The following CTNNA3 variants were observed in gnomAD, a reference collection of about 807,000 sequenced individuals.
CTNNA3 encodes catenin alpha 3, also known as catenin alpha-3.
In CTNNA3, 76 loss-of-function variants were observed where a neutral mutation model predicts 95.7. That is an observed-to-expected ratio of 0.79 (90% confidence interval 0.66 to 0.96). The LOEUF is 0.96. CTNNA3 is among the 40% of genes least tolerant of loss of function. The pLI, the probability that CTNNA3 is intolerant of heterozygous loss-of-function variation, is 0.00. For synonymous variants in CTNNA3, 431 were observed against 374.4 expected, an observed-to-expected ratio of 1.15 and a Z score of -1.74; for missense variants, 1,191 against 1,089.8, an observed-to-expected ratio of 1.09 and a Z score of -1.31.
In CTNNA3 at chr10:65,988,809, T is replaced by A. The variant is rs1194375577; in HGVS notation, c.2160-12A>T. 1.9e-6 allele frequency: 3 copies of A among 1,587,958 alleles called. No homozygotes were observed. Among genetic ancestry groups the A allele is most frequent in the East Asian group, 4.5e-5 (2 of 44,642 alleles). On this transcript the variant is annotated splice_polypyrimidine_tract_variant and intron_variant, in intron 15 of 17. Coordinates refer to ENST00000433211, the MANE Select transcript of CTNNA3 (RefSeq NM_013266.4). ...GTGGTCCTTTGCCCCTGGAAAAAAA[T>A]TTATATATGTTAGCTGTGGTGTTCA...
At chr10:67,504,459 A>C (rs1386345176) in intron 5 of CTNNA3, among the ~76,000 whole-genome samples, 1 of 150,654 alleles carries the variant, frequency 6.6e-6, no homozygotes, top group Non-Finnish European at 1.5e-5. Context: ...AAAAAAAAAA[A>C]ACAGAGTAAC....
chr10:67,175,282 A>T (rs1421862154), intron 7 of CTNNA3, among the ~76,000 whole-genome samples: 1 of 152,160 alleles, frequency 6.6e-6, no homozygotes, highest in African/African-American at 2.4e-5. Flanking sequence ...CCATATCATC[A>T]TAGGAAATAA....
intron 15 of CTNNA3, among the ~76,000 whole-genome samples, chr10:66,001,836 A>G (rs185592522): frequency 6.6e-6 from 1 of 152,278 alleles, no homozygotes; most frequent in Admixed American, 6.5e-5. Context: ...TGAATGGATT[A>G]TATTGAGTTC....
At chr10:66,899,044 T>C (rs1465754187) in intron 7 of CTNNA3, among the ~76,000 whole-genome samples, 1 of 152,152 alleles carries the variant, frequency 6.6e-6, no homozygotes, top group African/African-American at 2.4e-5. Context: ...CAATTAAAAA[T>C]GGGCAAAGGA....
rs139679207 is a variant in CTNNA3, at chr10:66,436,240, C to T, written c.1532-56888G>A. The stretch of plus-strand genomic sequence containing the variant: ...CATCCTGAATATCCTTGTTAATTTT[C>T]TGTCTCGTTTATCTGTCTAATATGA... On this transcript the variant is annotated intron_variant, in intron 11 of 17. Coordinates refer to ENST00000433211, the MANE Select transcript of CTNNA3 (RefSeq NM_013266.4). Among the ~76,000 whole-genome samples, 55 of 152,190 alleles carry T rather than the reference C, an allele frequency of 3.6e-4. 1 individual carries two copies. The highest frequency in any genetic ancestry group is 1.3e-3 in the African/African-American group (52 of 41,532).
intron 5 of CTNNA3, among the ~76,000 whole-genome samples, chr10:67,512,271 G>C (rs1210908215): frequency 3.3e-5 from 5 of 152,082 alleles, no homozygotes; most frequent in Non-Finnish European, 7.4e-5. Context: ...TAGAGAAATG[G>C]GAACCTTGGT....
chr10:66,582,440 T>C (rs1394702003), intron 10 of CTNNA3, among the ~76,000 whole-genome samples: 1 of 151,916 alleles, frequency 6.6e-6, no homozygotes, highest in South Asian at 2.1e-4. Context: ...ATTTTCAGCT[T>C]GGTTGTTGTT....
intron 5 of CTNNA3, among the ~76,000 whole-genome samples, chr10:67,348,442 G>A (rs1269289022): frequency 6.6e-6 from 1 of 152,106 alleles, no homozygotes; most frequent in Non-Finnish European, 1.5e-5. Flanking sequence ...CTGAGACAGG[G>A]TAATTTATAA....
At chr10:66,785,220 T>G (rs1047908347) in intron 7 of CTNNA3, among the ~76,000 whole-genome samples, 10 of 152,194 alleles carry the variant, frequency 6.6e-5, no homozygotes, top group African/African-American at 2.4e-4. Flanking sequence ...TTAAGTGAAC[T>G]GCAGGTCAGA....
rs191950904 is a variant in CTNNA3, at chr10:66,400,930, G to A, written c.1532-21578C>T. 2.0e-3 allele frequency among the ~76,000 whole-genome samples: 304 copies of A among 152,180 alleles called. 2 individuals carry two copies. Among genetic ancestry groups the A allele is most frequent in the African/African-American group, 7.1e-3 (295 of 41,538 alleles). ...CATAGAAATAAGCCTGGTACCTACT[G>A]TCTGATAAGTACTGGGAGTATTCTG... On this transcript the variant is annotated intron_variant, in intron 11 of 17. Transcript: ENST00000433211.
chr10:66,398,723 A>G (rs1391344349), intron 11 of CTNNA3, among the ~76,000 whole-genome samples: 1 of 152,006 alleles, frequency 6.6e-6, no homozygotes, highest in East Asian at 1.9e-4. Context: ...CTTCTCTTTT[A>G]CTCAATTCAA....
chr10:66,491,395 T>G (rs1488333536), intron 11 of CTNNA3, among the ~76,000 whole-genome samples: 1 of 152,200 alleles, frequency 6.6e-6, no homozygotes, highest in Admixed American at 6.5e-5. Context: ...TGAAACAGTT[T>G]ACAAAATTTC....
chr10:67,438,135 G>A (rs1460031364), intron 5 of CTNNA3, among the ~76,000 whole-genome samples: 1 of 152,124 alleles, frequency 6.6e-6, no homozygotes, highest in Non-Finnish European at 1.5e-5. Flanking sequence ...CCGACTCACA[G>A]CCAAGTTGTT....
At chr10:66,413,917 A>AT (rs1393984677) in intron 11 of CTNNA3, among the ~76,000 whole-genome samples, 2 of 152,186 alleles carry the variant, frequency 1.3e-5, no homozygotes, top group Non-Finnish European at 2.9e-5. Context: ...AAAATATCAA[A>AT]TGGGGAGATA....
intron 9 of CTNNA3, among the ~76,000 whole-genome samples, chr10:66,732,308 T>G (rs1447712083): frequency 6.6e-6 from 1 of 152,174 alleles, no homozygotes; most frequent in African/African-American, 2.4e-5. Context: ...TAAATTGACA[T>G]AAAGATAGTT....
At chr10:67,554,802 T>C (rs548099385) in intron 3 of CTNNA3, among the ~76,000 whole-genome samples, 2 of 152,350 alleles carry the variant, frequency 1.3e-5, no homozygotes, top group South Asian at 2.1e-4. Flanking sequence ...CCATTGCTTT[T>C]GGTGTTTTAG....
intron 9 of CTNNA3, among the ~76,000 whole-genome samples, chr10:66,695,293 T>G (rs549639848): frequency 6.6e-6 from 1 of 152,234 alleles, no homozygotes; most frequent in South Asian, 2.1e-4. Flanking sequence ...CAAGCAAGGC[T>G]GGGAATCTTT....
Position 66,110,915 on chromosome 10 carries a change from G to A in CTNNA3, c.1885-7666C>T, listed in dbSNP as rs1298089911. On this transcript the variant is annotated intron_variant, in intron 13 of 17. Coordinates refer to ENST00000433211, the MANE Select transcript of CTNNA3 (RefSeq NM_013266.4). The stretch of plus-strand genomic sequence containing the variant: ...CCCATTGCTCCTAGGCTACAAACCT[G>A]TATGGCATGTTACTGTACTGAATAC... Among the ~76,000 whole-genome samples the A allele has an allele frequency of 2.0e-5, 3 of 152,130 alleles. No homozygotes were observed. The South Asian group carries it at 6.2e-4, about 31-fold the overall frequency.
chr10:67,706,545 GA>G (rs987537428), intron 1 of CTNNA3, among the ~76,000 whole-genome samples: 10 of 151,858 alleles, frequency 6.6e-5, no homozygotes, highest in African/African-American at 2.4e-4. Context: ...CAGAAGTGAT[GA>G]AAAAAAACTC....
Sources: allele counts gnomAD v4.1 joint callset (sites outside exome capture counted in the v4.1 genomes callset), GRCh38; gene constraint gnomAD v4.1.1; transcripts MANE v1.5; gene names NCBI Gene and HGNC (gene_info 2026-07-23, HGNC 2026-07-21).